ZDHHC9: variants seen among roughly 807,000 people sequenced by gnomAD.
ZDHHC9 encodes palmitoyltransferase ZDHHC9.
In ZDHHC9, 3 loss-of-function variants were observed where a neutral mutation model predicts 26.6. The ratio of observed to expected loss-of-function variants is 0.11; its 90% CI spans 0.05 to 0.29. The LOEUF is 0.29. Ranked by LOEUF, ZDHHC9 falls within the 10% of genes least tolerant of loss-of-function variation. The pLI is 1.00. For synonymous variants in ZDHHC9, 111 were observed against 109.4 expected (o/e 1.01, Z -0.09); for missense variants, 146 against 296.4 (o/e 0.49, Z 3.73).
At position 129,842,085 on chromosome X, in the gene ZDHHC9, G is replaced by A; in HGVS notation, c.-135-5C>T. The A allele has an allele frequency of 3.0e-6, 2 of 666,852 alleles. No individual in the cohort carries two copies. Among genetic ancestry groups the A allele is most frequent in the Non-Finnish European group, 4.6e-6 (2 of 438,667 alleles). The allele number at this position is 666,852 out of a possible 1,213,427, so 55.0% of individuals were successfully genotyped here. The stretch of plus-strand genomic sequence containing the variant: ...TCAAAAGTCCAATTGCTAGCCCTAA[G>A]AAAAAGCAGAAAAAGAAAAAAAAAT... On this transcript the variant is annotated splice_region_variant and splice_polypyrimidine_tract_variant and intron_variant, in intron 2 of 10. Transcript: ENST00000357166.
rs373805398 is a variant in ZDHHC9, at chrX:129,810,877, G to T, written c.978+28C>A. On this transcript the variant is annotated intron_variant, in intron 10 of 10. Coordinates refer to ENST00000357166, the MANE Select transcript of ZDHHC9 (RefSeq NM_016032.4). ...AATTAGCCTCCGCCCTCTCTATATC[G>T]ACCCAGCCTTAAGTCAGGAACACTT... 7 of 1,172,542 alleles carry T rather than the reference G, an allele frequency of 6.0e-6. No individual in the cohort carries two copies. The Admixed American group carries it at 1.5e-4, about 26-fold the overall frequency.
intron 8 of ZDHHC9, among the ~76,000 whole-genome samples, chrX:129,812,267 T>G (rs932808889): frequency 1.8e-5 from 2 of 111,910 alleles, no homozygotes; most frequent in Non-Finnish European, 3.8e-5. Flanking sequence ...GTATTTTTAG[T>G]AGAGACAGGG....
chrX:129,819,267 T>C (rs1927830312), intron 5 of ZDHHC9, among the ~76,000 whole-genome samples: 1 of 108,141 alleles, frequency 9.2e-6, no homozygotes, highest in Admixed American at 9.9e-5. Context: ...GTAAAAATGG[T>C]CTATCTCCTG....
Position 129,806,482 on chromosome X carries a change from G to T in ZDHHC9, c.983C>A (p.Pro328His), listed in dbSNP as rs762890179. 8.3e-7 allele frequency: 1 copy of T among 1,207,250 alleles called. No homozygotes were observed. The highest frequency in any genetic ancestry group is 2.2e-5 in the Admixed American group (1 of 45,948). Reference protein sequence around the residue: ...SSSLLPQSPAPTEHLNSNEMP... With the variant: ...SSSLLPQSPAHTEHLNSNEMP... The stretch of plus-strand genomic sequence containing the variant: ...CTCATTTGAGTTCAGGTGTTCTGTG[G>T]GGGCCTGAGAAGGAAAAGATATGAG... The change falls in exon 11 of 11, where the codon CCC becomes CAC. Residue 328 changes from proline to histidine, a missense_variant. Around this residue, in one of 2 missense-constraint regions of ZDHHC9, gnomAD observed 46 missense variants for 46.4 expected, o/e 0.99. Coordinates refer to ENST00000357166, the MANE Select transcript of ZDHHC9 (RefSeq NM_016032.4).
chrX:129,829,124 A>G lies in ZDHHC9; in HGVS notation c.185T>C (p.Val62Ala), dbSNP rs1462734878. The part of the protein sequence containing the change: ...FFAFECRYLA[V>A]QLSPAIPVFA... ...TACAGGGATGGCAGGAGACAGCTGAACAGCCAGGTAGCGGCACCTGAAGAA... is the reference window on the plus strand; with the variant it reads ...TACAGGGATGGCAGGAGACAGCTGAGCAGCCAGGTAGCGGCACCTGAAGAA... The change falls in exon 4 of 11, where the codon GTT (valine) becomes GCT (alanine). Residue 62 changes from valine (V) to alanine (A), a missense_variant. Coordinates refer to ENST00000357166, the MANE Select transcript of ZDHHC9 (RefSeq NM_016032.4). The G allele has an allele frequency of 8.3e-7, 1 of 1,209,786 alleles. No homozygotes were observed.
Position 129,806,319 on chromosome X carries a change from A to G in ZDHHC9, c.*51T>C, listed in dbSNP as rs1310022909. ...TCTCAGGTTTAACTTCTCACCTGAA[A>G]TCTCTCATAGCCCTAATTAAACACA... On this transcript the variant is annotated 3_prime_UTR_variant, in exon 11 of 11. Transcript: ENST00000357166. 9.4e-7 allele frequency: 1 copy of G among 1,060,469 alleles called. No homozygotes were observed. The highest frequency in any genetic ancestry group is 1.8e-5 in the African/African-American group (1 of 54,754). 87.4% of individuals were successfully genotyped at this position (1,060,469 alleles called of 1,213,427 possible).
At chrX:129,819,033 C>T (rs1398643843) in intron 5 of ZDHHC9, among the ~76,000 whole-genome samples, 3 of 108,600 alleles carry the variant, frequency 2.8e-5, no homozygotes, top group African/African-American at 6.7e-5. Context: ...ATTAGCCAGG[C>T]GTGGTGGCGG....
At chrX:129,826,775 C>A (rs900065595) in intron 4 of ZDHHC9, among the ~76,000 whole-genome samples, 6 of 111,951 alleles carry the variant, frequency 5.4e-5, no homozygotes, top group Non-Finnish European at 1.1e-4. Context: ...CTCACCCCAC[C>A]CCCAAATAGT....
At chrX:129,836,370 G>A (rs59948745) in intron 3 of ZDHHC9, among the ~76,000 whole-genome samples, 6,262 of 110,919 alleles carry the variant, frequency 0.056, 378 homozygotes, top group East Asian at 0.42. Flanking sequence ...TGCAACCTCC[G>A]CCTCCCAAGT....
chrX:129,825,600 T>G (rs956413276), intron 4 of ZDHHC9, among the ~76,000 whole-genome samples: 1 of 111,582 alleles, frequency 9.0e-6, no homozygotes, highest in Non-Finnish European at 1.9e-5. Context: ...TTTTACTATT[T>G]AGGTGATGTT....
chrX:129,817,166 C>T (rs975482808), intron 5 of ZDHHC9, among the ~76,000 whole-genome samples: 11 of 111,749 alleles, frequency 9.8e-5, no homozygotes, highest in African/African-American at 3.3e-4. Flanking sequence ...TGAGCCACTG[C>T]GCCCGGCCGA....
intron 5 of ZDHHC9, among the ~76,000 whole-genome samples, chrX:129,821,119 T>C (rs1205453120): frequency 4.5e-5 from 5 of 111,553 alleles, no homozygotes; most frequent in Non-Finnish European, 9.4e-5. Flanking sequence ...AGAATGGCGA[T>C]TATTAAAAAG....
intron 10 of ZDHHC9, among the ~76,000 whole-genome samples, chrX:129,810,704 G>C (rs1927619231): frequency 1.8e-5 from 2 of 112,150 alleles, no homozygotes; most frequent in Admixed American, 1.9e-4. Flanking sequence ...GGCTGGCACA[G>C]AGTCACTCAA....
chrX:129,823,660 T>A lies in ZDHHC9; in HGVS notation c.487+19A>T, dbSNP rs1219928569. 24 of 1,211,819 alleles carry A rather than the reference T, an allele frequency of 2.0e-5. No individual in the cohort carries two copies. Among genetic ancestry groups the A allele is most frequent in the Non-Finnish European group, 2.7e-5 (24 of 895,300 alleles). Reference sequence around the variant, plus strand: ...AACTCAGCCTTTTCCCTAGGCAATGTCCCTGTAGTTTTACTCACCCACACA... The same window carrying A: ...AACTCAGCCTTTTCCCTAGGCAATGACCCTGTAGTTTTACTCACCCACACA... On this transcript the variant is annotated intron_variant, in intron 5 of 10. Transcript: ENST00000357166.
rs1338453560 is a variant in ZDHHC9, at chrX:129,804,250, A to C, written c.*2120T>G. 1 of 110,965 alleles carries C rather than the reference A, an allele frequency of 9.0e-6. No homozygotes were observed. Among genetic ancestry groups the C allele is most frequent in the African/African-American group, 3.3e-5 (1 of 30,467 alleles). The allele number at this position is 110,965 out of a possible 1,213,427, so 9.1% of individuals were successfully genotyped here. On this transcript the variant is annotated 3_prime_UTR_variant, in exon 11 of 11. Coordinates refer to ENST00000357166, the MANE Select transcript of ZDHHC9 (RefSeq NM_016032.4). The stretch of plus-strand genomic sequence containing the variant: ...TACCTGGGGAAACCTAACAACTTAC[A>C]AATTCTCCAGGTTTGGCTTTATAAC...
intron 4 of ZDHHC9, among the ~76,000 whole-genome samples, chrX:129,827,364 A>T (rs1198194078): frequency 9.0e-6 from 1 of 110,649 alleles, no homozygotes; most frequent in Non-Finnish European, 1.9e-5. Flanking sequence ...CAAAGAACTA[A>T]AGGCTAGCCA....
chrX:129,829,443 A>G lies in ZDHHC9; in HGVS notation c.168-302T>C, dbSNP rs181905166. ...GGAGCTACATTTCCTCTACCTCAGG[A>G]AAGGTTCACACCTGCTAAGAATAGG... On this transcript the variant is annotated intron_variant, in intron 3 of 10. Coordinates refer to ENST00000357166, the MANE Select transcript of ZDHHC9 (RefSeq NM_016032.4). Among the ~76,000 whole-genome samples the G allele has an allele frequency of 4.5e-5, 5 of 111,985 alleles. No homozygotes were observed. The East Asian group carries it at 1.4e-3, about 31-fold the overall frequency.
intron 3 of ZDHHC9, among the ~76,000 whole-genome samples, chrX:129,829,822 C>T (rs1219353172): frequency 1.8e-5 from 2 of 111,802 alleles, no homozygotes; most frequent in Non-Finnish European, 3.8e-5. Flanking sequence ...CCTCATAATG[C>T]ATCTGGCAAG....
rs1011678234 is a variant in ZDHHC9, at chrX:129,805,283, G to A, written c.*1087C>T. 7.2e-5 allele frequency: 8 copies of A among 111,830 alleles called. No homozygotes were observed. The highest frequency in any genetic ancestry group is 1.5e-4 in the Non-Finnish European group (8 of 53,021). The allele number at this position is 111,830 out of a possible 1,213,427, so 9.2% of individuals were successfully genotyped here. A position where few individuals can be genotyped will look rare whatever the true frequency, so the allele number is the denominator to read the frequency against. On this transcript the variant is annotated 3_prime_UTR_variant, in exon 11 of 11. Transcript: ENST00000357166. ...GTTACCCGAGAGGGCAGCAGTGCTGGGCTTTCCCTCACTCAGCCGAGGCTT... is the reference window on the plus strand; with the variant it reads ...GTTACCCGAGAGGGCAGCAGTGCTGAGCTTTCCCTCACTCAGCCGAGGCTT...
Sources: gnomAD v4.1 joint callset for allele counts (sites outside exome capture counted in the v4.1 genomes callset) on GRCh38, gnomAD v4.1.1 for gene constraint, gnomAD v4.1.1 regional missense constraint, MANE v1.5 for transcripts, NCBI Gene and HGNC (gene_info 2026-07-23, HGNC 2026-07-21) for gene names.